Variants in CNN1 observed in about 807,000 individuals in gnomAD.
CNN1 encodes calponin-1.
A neutral mutation model predicts 35.3 loss-of-function variants in CNN1; 21 were observed. That is an observed-to-expected ratio of 0.60 (90% CI 0.42 to 0.86). CNN1 has a LOEUF of 0.86. Among genes scored for constraint, CNN1 ranks in the 40% least tolerant of loss-of-function variants. The pLI, the probability that CNN1 is intolerant of heterozygous loss-of-function variation, is 0.00. For missense variants in CNN1, 314 were observed against 400.8 expected (o/e 0.78, Z 1.85); for synonymous variants, 164 against 161.8 (o/e 1.01, Z -0.10).
chr19:11,543,274 C>G (rs1316117462), intron 2 of CNN1, among the ~76,000 whole-genome samples: 1 of 151,476 alleles, frequency 6.6e-6, no homozygotes, highest in Non-Finnish European at 1.5e-5. Flanking sequence ...CGCTTGAGCC[C>G]TGGAGGTCAA....
chr19:11,543,774 C>A (rs1212116137), intron 2 of CNN1, among the ~76,000 whole-genome samples: 2 of 134,040 alleles, frequency 1.5e-5, no homozygotes, highest in Non-Finnish European at 1.6e-5. Flanking sequence ...CAGAGCGAGA[C>A]TCCGTCTCAA....
intron 2 of CNN1, among the ~76,000 whole-genome samples, chr19:11,541,418 C>G (rs144765995): frequency 6.6e-6 from 1 of 152,272 alleles, no homozygotes; most frequent in African/African-American, 2.4e-5. Context: ...GGAAATGACT[C>G]TAGAATCTTA....
In CNN1 at chr19:11,547,852, AGCGGAAATTCGAGCC is replaced by A. The variant is rs1430008478; in HGVS notation, c.448_462del (p.Arg150_Pro154del). 13 of 1,613,984 alleles carry A rather than the reference AGCGGAAATTCGAGCC, an allele frequency of 8.1e-6. No individual in the cohort carries two copies. Among genetic ancestry groups the A allele is most frequent in the Non-Finnish European group, 1.1e-5 (13 of 1,179,986 alleles). ...GGAGTGAAGTACGCAGAGAAGCAGG[AGCGGAAATTCGAGCC>A]GGGGAAGCTAAGAGAAGGGCGGAAC... On this transcript the variant is annotated inframe_deletion, in exon 5 of 7. Coordinates refer to ENST00000252456, the MANE Select transcript of CNN1 (RefSeq NM_001299.6).
At chr19:11,543,307 G>A (rs1029680800) in intron 2 of CNN1, among the ~76,000 whole-genome samples, 4 of 149,174 alleles carry the variant, frequency 2.7e-5, no homozygotes, top group Admixed American at 1.3e-4. Flanking sequence ...CTATGATCGC[G>A]CCACTGCACT....
At position 11,549,287 on chromosome 19, in the gene CNN1, G is replaced by A. The variant is rs751996872; in HGVS notation, c.502-36G>A. On this transcript the variant is annotated intron_variant, in intron 5 of 6. Transcript: ENST00000252456. This position sits in a 1 kb window ranked among gnomAD's most constrained non-coding sequence, Gnocchi z 5.2. ...TGCCTCATGGCCCATGATGAGGTCT[G>A]TAATTATTGGTGTGATTCTCCTTCT... The A allele has an allele frequency of 3.7e-6, 6 of 1,612,326 alleles. No individual in the cohort carries two copies. The highest frequency in any genetic ancestry group is 4.2e-6 in the Non-Finnish European group (5 of 1,178,592).
In CNN1 at chr19:11,550,011, T is replaced by A; in HGVS notation, c.*216T>A. 2 of 611,348 alleles carry A rather than the reference T, an allele frequency of 3.3e-6. No individual in the cohort carries two copies. The highest frequency in any genetic ancestry group is 5.3e-5 in the South Asian group (2 of 37,968). The allele number at this position is 611,348 out of a possible 1,614,324, so 37.9% of individuals were successfully genotyped here. On this transcript the variant is annotated 3_prime_UTR_variant, in exon 7 of 7. Transcript: ENST00000252456. ...CTCTGTAGTGCTACAGGGTCCAACA[T>A]AGAGCCGGGTGTCCCCAACAGCGCC...
intron 1 of CNN1, chr19:11,539,869 C>T: frequency 3.5e-6 from 4 of 1,155,606 alleles, no homozygotes; most frequent in Non-Finnish European, 4.3e-6. Context: ...CCGCCCTCCT[C>T]CCCCCCAGCG....
At chr19:11,545,984 AAAG>A (rs528982222) in intron 2 of CNN1, among the ~76,000 whole-genome samples, 164 of 152,178 alleles carry the variant, frequency 1.1e-3, no homozygotes, top group African/African-American at 3.9e-3. Context: ...AAAAAAAAGA[AAAG>A]AAAAGAAAAA....
At position 11,547,804 on chromosome 19, in the gene CNN1, C is replaced by T. The variant is rs1424157031; in HGVS notation, c.398C>T (p.Thr133Met). ...TLLALASMAKTKGNKVNVGVK... is the reference protein window; with the variant it reads ...TLLALASMAKMKGNKVNVGVK... ...TTTCCCTGCCCCACCTAGGCGAAGA[C>T]GAAAGGAAACAAGGTGAACGTGGGA... The change falls in exon 5 of 7, where the codon ACG becomes ATG. Residue 133 changes from threonine to methionine, a missense_variant. Thr to Met is a moderately conservative substitution (Grantham distance 81). Coordinates refer to ENST00000252456, the MANE Select transcript of CNN1 (RefSeq NM_001299.6). 1.4e-5 allele frequency: 23 copies of T among 1,613,230 alleles called. No homozygotes were observed. The Middle Eastern group carries it at 6.6e-4, about 46-fold the overall frequency.
intron 4 of CNN1, among the ~76,000 whole-genome samples, chr19:11,547,171 C>T (rs112526657): frequency 0.058 from 8,765 of 151,392 alleles, 822 homozygotes; most frequent in African/African-American, 0.2. Flanking sequence ...CCAAGGTGAG[C>T]GGATTGCTTG....
Position 11,538,908 on chromosome 19 carries a change from G to T in CNN1, c.-20G>T, listed in dbSNP as rs752496291. ...CAGCGTCAGTGCCGCCACTGCCCCC[G>T]CCAGAGCCCACCGGCCAGCATGTCC... On this transcript the variant is annotated 5_prime_UTR_variant, in exon 1 of 7. Transcript: ENST00000252456. 4.5e-6 allele frequency: 7 copies of T among 1,544,218 alleles called. No homozygotes were observed. The highest frequency in any genetic ancestry group is 6.1e-6 in the Non-Finnish European group (7 of 1,143,048).
Position 11,549,440 on chromosome 19 carries a change from C to G in CNN1, c.619C>G (p.Gln207Glu). 6.2e-7 allele frequency: 1 copy of G among 1,614,102 alleles called. No homozygotes were observed. The highest frequency in any genetic ancestry group is 2.2e-5 in the East Asian group (1 of 44,860). The change falls in exon 6 of 7, where the codon CAG (glutamine) becomes GAG (glutamate). Residue 207 changes from glutamine (Q) to glutamate (E), a missense_variant. Physicochemically the swap from Gln to Glu is conservative, Grantham distance 29. Coordinates refer to ENST00000252456, the MANE Select transcript of CNN1 (RefSeq NM_001299.6). This position sits in a 1 kb window ranked among gnomAD's most constrained non-coding sequence, Gnocchi z 5.2. ...TCTGGACCAGGCGACCATCAGCCTG[C>G]AGATGGGCACCAACAAAGGAGCCAG... ...QPLDQATISL[Q>E]MGTNKGASQA... is the part of the protein sequence containing the mutation.
intron 2 of CNN1, among the ~76,000 whole-genome samples, 193 bp from the exon 3 acceptor site, chr19:11,546,482 T>C (rs1023477564): frequency 6.6e-6 from 1 of 151,970 alleles, no homozygotes; most frequent in Non-Finnish European, 1.5e-5. Context: ...AGTACAGGCA[T>C]GTGCCACCAC....
intron 2 of CNN1, among the ~76,000 whole-genome samples, chr19:11,544,685 A>G (rs1200229425): frequency 1.4e-4 from 10 of 71,736 alleles, no homozygotes; most frequent in Non-Finnish European, 2.4e-4. Flanking sequence ...TTTTTTTTGT[A>G]GAGACACGGG....
In CNN1 at chr19:11,549,252, C is replaced by G. The variant is rs1256788173; in HGVS notation, c.502-71C>G. 3 of 1,526,058 alleles carry G rather than the reference C, an allele frequency of 2.0e-6. No individual in the cohort carries two copies. The highest frequency in any genetic ancestry group is 2.8e-5 in the African/African-American group (2 of 72,354). The allele number at this position is 1,526,058 out of a possible 1,614,324, so 94.5% of individuals were successfully genotyped here. On this transcript the variant is annotated intron_variant, in intron 5 of 6. Coordinates refer to ENST00000252456, the MANE Select transcript of CNN1 (RefSeq NM_001299.6). The surrounding 1 kb of genome is among the most constrained non-coding windows in gnomAD (Gnocchi z 5.2). ...TGATAAAGCGGCGCCTCATCCTCTC[C>G]CATCAGCTATGCCTCATGGCCCATG...
chr19:11,541,248 C>T, intron 2 of CNN1, 51 bp downstream of exon 2: 1 of 1,496,602 alleles, frequency 6.7e-7, no homozygotes, highest in Admixed American at 2.2e-5. Flanking sequence ...CAACTCCATG[C>T]AGCCCCTCAA....
chr19:11,541,398 T>C (rs957333710), intron 2 of CNN1, among the ~76,000 whole-genome samples: 1 of 152,118 alleles, frequency 6.6e-6, no homozygotes, highest in Admixed American at 6.6e-5. Flanking sequence ...AAGTCCCACG[T>C]GGTTTCAAGG....
In CNN1 at chr19:11,543,993, A is replaced by C. The variant is rs117238337; in HGVS notation, c.186-2682A>C. Among the ~76,000 whole-genome samples the C allele has an allele frequency of 9.7e-3, 1,473 of 152,042 alleles. 12 individuals are homozygous for C. Among genetic ancestry groups the C allele is most frequent in the Non-Finnish European group, 0.015 (1,000 of 68,014 alleles). On this transcript the variant is annotated intron_variant, in intron 2 of 6. Coordinates refer to ENST00000252456, the MANE Select transcript of CNN1 (RefSeq NM_001299.6). ...TCATTCATTCATTCATTCACAAAAGAAGCATTTATGAGTTCCTGCTGTGTG... is the reference window on the plus strand; with the variant it reads ...TCATTCATTCATTCATTCACAAAAGCAGCATTTATGAGTTCCTGCTGTGTG...
intron 1 of CNN1, chr19:11,539,544 A>C: frequency 3.6e-6 from 4 of 1,107,348 alleles, no homozygotes; most frequent in Non-Finnish European, 4.5e-6. Context: ...AGGAGAGGCA[A>C]ATAGCTGGGG....
Sources: gnomAD v4.1 joint callset for allele counts (sites outside exome capture counted in the v4.1 genomes callset) on GRCh38, gnomAD v4.1.1 for gene constraint, Gnocchi (gnomAD v3.1) non-coding constraint, MANE v1.5 for transcripts, NCBI Gene and HGNC (gene_info 2026-07-23, HGNC 2026-07-21) for gene names.